Variants in PGM2L1 observed in about 807,000 individuals in gnomAD.
PGM2L1 encodes the protein glucose 1,6-bisphosphate synthase.
In PGM2L1, 35 loss-of-function variants were observed where a neutral mutation model predicts 73.4. The observed-to-expected ratio is 0.48, with a 90% confidence interval of 0.36 to 0.63. The LOEUF (loss-of-function observed/expected upper bound fraction) is 0.63, where lower values mean the gene tolerates loss of function less well. Ranked by LOEUF, PGM2L1 falls within the 30% of genes least tolerant of loss-of-function variation. The pLI, the probability that PGM2L1 is intolerant of heterozygous loss-of-function variation, is 0.00. For synonymous variants in PGM2L1, 225 were observed against 253.8 expected, an observed-to-expected ratio of 0.89 and a Z score of 1.08; for missense variants, 570 against 742.0, an observed-to-expected ratio of 0.77 and a Z score of 2.69.
chr11:74,350,918 AAAGAGAGAGAGAGAGAG>A (rs1862341801), intron 6 of PGM2L1, among the ~76,000 whole-genome samples: 3 of 144,214 alleles, frequency 2.1e-5, no homozygotes, highest in Non-Finnish European at 3.0e-5. Flanking sequence ...AGAGAGAGAG[AAAGAGAGAGAGAGAGAG>A]AGAAAGAAAC....
intron 1 of PGM2L1, among the ~76,000 whole-genome samples, chr11:74,384,205 T>C (rs1862989625): frequency 2.0e-5 from 3 of 152,164 alleles, no homozygotes; most frequent in South Asian, 4.1e-4. Flanking sequence ...AGTTTGTTAA[T>C]TCTCTCTCTG....
intron 1 of PGM2L1, among the ~76,000 whole-genome samples, chr11:74,387,610 T>TCTATTA: frequency 6.6e-6 from 1 of 152,150 alleles, no homozygotes; most frequent in Non-Finnish European, 1.5e-5. Context: ...GATTCTACTG[T>TCTATTA]GCCCATTTTA....
At position 74,335,994 on chromosome 11, in the gene PGM2L1, ATTGTT is replaced by A. The variant is rs1862089869; in HGVS notation, c.*653_*657del. ...CAAAGCCAATAGGAGTGTTGCCACT[ATTGTT>A]TTATGTTCAGTAAACATCAGAATTT... On this transcript the variant is annotated 3_prime_UTR_variant, in exon 14 of 14. Coordinates refer to ENST00000298198, the MANE Select transcript of PGM2L1 (RefSeq NM_173582.6). 1 of 152,572 alleles carries A rather than the reference ATTGTT, an allele frequency of 6.6e-6. No homozygotes were observed. The highest frequency in any genetic ancestry group is 2.4e-5 in the African/African-American group (1 of 41,458). The allele number at this position is 152,572 out of a possible 1,614,324, so 9.5% of individuals were successfully genotyped here.
chr11:74,349,907 ATT>A (rs1412792279), intron 6 of PGM2L1, among the ~76,000 whole-genome samples: 1 of 152,136 alleles, frequency 6.6e-6, no homozygotes, highest in East Asian at 1.9e-4. Flanking sequence ...ATCAAATAAA[ATT>A]TGAGGTTTCT....
chr11:74,364,160 A>T (rs1213434213), intron 5 of PGM2L1, among the ~76,000 whole-genome samples: 2 of 152,248 alleles, frequency 1.3e-5, no homozygotes, highest in Non-Finnish European at 2.9e-5. Flanking sequence ...GACAAAATTC[A>T]ACAGCCCTTC....
intron 5 of PGM2L1, among the ~76,000 whole-genome samples, chr11:74,362,154 T>C (rs1396227824): frequency 6.6e-6 from 1 of 152,194 alleles, no homozygotes; most frequent in East Asian, 1.9e-4. Context: ...GAGAGAAAAG[T>C]TGGGTTACTC....
chr11:74,359,278 CT>C lies in PGM2L1; in HGVS notation c.556-7703del, dbSNP rs926999634. 2.6e-3 allele frequency among the ~76,000 whole-genome samples: 390 copies of C among 148,798 alleles called. 3 individuals are homozygous for C. The highest frequency in any genetic ancestry group is 8.9e-3 in the African/African-American group (363 of 40,666). On this transcript the variant is annotated intron_variant, in intron 5 of 13. Transcript: ENST00000298198. Reference sequence around the variant, plus strand: ...ATAAACATTCTTCTACATTCATTTTCTTTTTTTTTTCTTTTTTGAAACAGAG... The same window carrying C: ...ATAAACATTCTTCTACATTCATTTTCTTTTTTTTTCTTTTTTGAAACAGAG...
chr11:74,374,760 A>T (rs1022371444), intron 1 of PGM2L1, among the ~76,000 whole-genome samples, 178 bp from the exon 2 acceptor site: 3 of 152,202 alleles, frequency 2.0e-5, no homozygotes, highest in Non-Finnish European at 4.4e-5. Context: ...TCCCCAAAGG[A>T]GAAAGGGCCT....
rs755037833 is a variant in PGM2L1 at position 74,346,742 on chromosome 11, G to A, written c.1027C>T (p.Leu343Phe). The A allele has an allele frequency of 5.0e-6, 8 of 1,613,050 alleles. No individual in the cohort carries two copies. In the East Asian group the frequency reaches 1.6e-4, roughly 31 times the overall value. ...PDADRLAAAE[L>F]QENGCWKVFT... ...ACAGATTCTACATACTTCTCCTGAA[G>A]TTCTGCTGCTGCCAGTCTGTCTGCA... The change falls in exon 8 of 14, where the codon CTT becomes TTT. Residue 343 changes from leucine to phenylalanine, a missense_variant. Transcript: ENST00000298198.
At chr11:74,388,003 C>T (rs941463553) in intron 1 of PGM2L1, among the ~76,000 whole-genome samples, 5 of 152,136 alleles carry the variant, frequency 3.3e-5, no homozygotes, top group African/African-American at 9.7e-5. Context: ...TATATGGCAT[C>T]AAATTGTACA....
chr11:74,377,335 G>A (rs953000067), intron 1 of PGM2L1, among the ~76,000 whole-genome samples: 1 of 151,992 alleles, frequency 6.6e-6, no homozygotes, highest in Middle Eastern at 3.4e-3. Flanking sequence ...AGGTTTCACC[G>A]TGTTAGCCAG....
At chr11:74,392,208 G>A (rs1591194681) in intron 1 of PGM2L1, among the ~76,000 whole-genome samples, 1 of 152,080 alleles carries the variant, frequency 6.6e-6, no homozygotes, top group African/African-American at 2.4e-5. Flanking sequence ...GAAAAGAAGA[G>A]GCAGTTAGGA....
intron 5 of PGM2L1, among the ~76,000 whole-genome samples, chr11:74,351,961 C>CAA (rs533587978): frequency 3.0e-5 from 4 of 134,192 alleles, no homozygotes; most frequent in African/African-American, 1.1e-4. Flanking sequence ...GACTCTGTCT[C>CAA]AAAAAAAAAA....
chr11:74,359,362 C>CT (rs1284073317), intron 5 of PGM2L1, among the ~76,000 whole-genome samples: 8 of 151,978 alleles, frequency 5.3e-5, no homozygotes, highest in African/African-American at 9.7e-5. Flanking sequence ...ACTGCACTCT[C>CT]TGACAGAGGA....
intron 5 of PGM2L1, among the ~76,000 whole-genome samples, chr11:74,353,728 C>T (rs1043741373): frequency 4.7e-5 from 7 of 148,046 alleles, no homozygotes; most frequent in Admixed American, 4.1e-4. Context: ...TCTCCCACGT[C>T]TACTTCTTTC....
At chr11:74,396,240 C>A (rs1382109386) in intron 1 of PGM2L1, among the ~76,000 whole-genome samples, 1 of 143,456 alleles carries the variant, frequency 7.0e-6, no homozygotes, top group Non-Finnish European at 1.5e-5. Flanking sequence ...TGCACTCCAG[C>A]CTGGACAACA....
chr11:74,362,855 C>T (rs1862587871), intron 5 of PGM2L1, among the ~76,000 whole-genome samples: 1 of 152,142 alleles, frequency 6.6e-6, no homozygotes, highest in Non-Finnish European at 1.5e-5. Flanking sequence ...CAAGGATAGC[C>T]AGGAATTGAA....
chr11:74,395,068 G>T (rs1318492866), intron 1 of PGM2L1, among the ~76,000 whole-genome samples: 2 of 151,484 alleles, frequency 1.3e-5, no homozygotes, highest in Non-Finnish European at 3.0e-5. Flanking sequence ...CTTACCTATA[G>T]TATCAATCTA....
intron 11 of PGM2L1, 79 bp downstream of exon 11, chr11:74,342,806 C>T: frequency 7.0e-7 from 1 of 1,437,190 alleles, no homozygotes; most frequent in Non-Finnish European, 9.3e-7. Flanking sequence ...AACTATTCTT[C>T]AGAAACAAAT....
Sources: allele counts gnomAD v4.1 joint callset (sites outside exome capture counted in the v4.1 genomes callset), GRCh38; gene constraint gnomAD v4.1.1; transcripts MANE v1.5; gene names NCBI Gene and HGNC (gene_info 2026-07-23, HGNC 2026-07-21).